NBPF12: variants seen among roughly 807,000 people sequenced by gnomAD.
The protein encoded by NBPF12 is NBPF family member NBPF12.
NBPF12 carries 115 observed loss-of-function variants against 146.4 expected under a neutral mutation model. The ratio of observed to expected loss-of-function variants is 0.79; its 90% CI spans 0.68 to 0.92. NBPF12 has a LOEUF of 0.92. Among genes scored for constraint, NBPF12 ranks in the 40% least tolerant of loss-of-function variants. NBPF12 has a pLI of 0.00. For missense variants in NBPF12, 1,205 were observed against 1,326.8 expected (o/e 0.91, Z 1.43); for synonymous variants, 385 against 508.9 (o/e 0.76, Z 3.28).
rs1228192892 is a variant in NBPF12 at position 146,957,987 on chromosome 1, G to GTATA, written c.-183-1861_-183-1858dup. 6.0e-4 allele frequency among the ~76,000 whole-genome samples: 69 copies of GTATA among 115,606 alleles called. 4 individuals are homozygous for GTATA. The highest frequency in any genetic ancestry group is 1.8e-3 in the African/African-American group (61 of 33,536). 75.8% of individuals were successfully genotyped at this position (115,606 alleles called of 152,430 possible). A position where few individuals can be genotyped will look rare whatever the true frequency, so the allele number is the denominator to read the frequency against. On this transcript the variant is annotated intron_variant, in intron 2 of 33. Transcript: ENST00000617844. ...CGTGTATACATGTATATATGTGTGT[G>GTATA]TATATATATATATACATGTGTATAT... is the stretch of plus-strand genomic sequence containing the variant.
At chr1:146,966,422 C>A in intron 8 of NBPF12, 42 bp from the exon 12 acceptor site, 2 of 1,340,614 alleles carry the variant, frequency 1.5e-6, no homozygotes, top group South Asian at 1.2e-5. Context: ...CTTGATTTCA[C>A]CAGTTTTTAA....
chr1:146,974,909 G>A (rs1656882797), intron 15 of NBPF12, 68 bp downstream of exon 18: 2 of 914,160 alleles, frequency 2.2e-6, no homozygotes, highest in Non-Finnish European at 3.3e-6. Flanking sequence ...GTAGCTCAGT[G>A]GGGAGACGTA....
intron 7 of NBPF12, 59 bp downstream of exon 10, chr1:146,964,488 G>A (rs1444554166): frequency 6.3e-7 from 1 of 1,590,262 alleles, no homozygotes; most frequent in South Asian, 1.1e-5. Flanking sequence ...TGTCTAGAAG[G>A]CACACCCTCT....
At chr1:146,962,100 C>G (rs1250379729) in intron 4 of NBPF12, 61 bp from the exon 8 acceptor site, 11 of 1,539,374 alleles carry the variant, frequency 7.1e-6, no homozygotes, top group Non-Finnish European at 8.9e-6. Context: ...GCCCTGTAGG[C>G]AGTGACCACA....
At position 146,971,202 on chromosome 1, in the gene NBPF12, G is replaced by T. The variant is rs2101876047; in HGVS notation, c.1399G>T (p.Glu467Ter). 1.2e-6 allele frequency: 2 copies of T among 1,611,712 alleles called. No homozygotes were observed. The highest frequency in any genetic ancestry group is 3.3e-5 in the Admixed American group (2 of 59,960). ...CATCAGGGAGATGCAGAAGGCTGAA[G>T]AAAGCAAAGTCCCTGAGGACTCACT... The change falls in exon 13 of 34, where the codon GAA (glutamate) becomes TAA (stop). Residue 467 changes from glutamate (E) to a stop codon, truncating the protein, a stop_gained. Transcript: ENST00000617844. LOFTEE classifies it high-confidence loss of function.
intron 14 of NBPF12, among the ~76,000 whole-genome samples, chr1:146,974,004 T>A (rs1213165777): frequency 4.6e-5 from 7 of 150,924 alleles, no homozygotes; most frequent in African/African-American, 1.7e-4. Context: ...TCCCTCAGTT[T>A]CCTCACCTGT....
chr1:146,950,740 T>C (rs1176553703), intron 1 of NBPF12, among the ~76,000 whole-genome samples: 5 of 152,146 alleles, frequency 3.3e-5, no homozygotes, highest in Admixed American at 2.0e-4. Context: ...CATTCTTGTA[T>C]TGATAGATAT....
intron 14 of NBPF12, among the ~76,000 whole-genome samples, 177 bp downstream of exon 17, chr1:146,973,137 G>A (rs1346750784): frequency 1.3e-5 from 2 of 150,130 alleles, no homozygotes; most frequent in African/African-American, 2.5e-5. Context: ...AAAGTATTTA[G>A]CAACTTTCCA....
chr1:146,951,629 TCC>T (rs1655327043), intron 2 of NBPF12, 140 bp downstream of exon 5: 1 of 507,524 alleles, frequency 2.0e-6, no homozygotes, highest in Admixed American at 3.4e-5. Context: ...AATGATGATG[TCC>T]CTTGTTCAAC....
chr1:146,989,252 T>G (rs1657989812), intron 27 of NBPF12, among the ~76,000 whole-genome samples: 7 of 142,456 alleles, frequency 4.9e-5, no homozygotes, highest in African/African-American at 1.8e-4. Context: ...CACAGTTTGC[T>G]GTGTGTCATG....
At chr1:146,947,397 A>G (rs1655122887), upstream of NBPF12, among the ~76,000 whole-genome samples, 1 of 145,346 alleles carries the variant, frequency 6.9e-6, no homozygotes, top group Non-Finnish European at 1.5e-5. Flanking sequence ...CAATTCTCTG[A>G]TCCACCCTAG....
rs1365432341 is a variant in NBPF12, at chr1:146,965,883, G to A, written c.779-581G>A. Among the ~76,000 whole-genome samples, 29 of 150,516 alleles carry A rather than the reference G, an allele frequency of 1.9e-4. 1 individual carries two copies. The highest frequency in any genetic ancestry group is 7.8e-4 in the East Asian group (4 of 5,104). ...AGCACTTTGAGAGGCCGAGGTGGGCGGAACACCTGAGCTCAGGAGATCGAA... is the reference window on the plus strand; with the variant it reads ...AGCACTTTGAGAGGCCGAGGTGGGCAGAACACCTGAGCTCAGGAGATCGAA... On this transcript the variant is annotated intron_variant, in intron 8 of 33. Transcript: ENST00000617844.
intron 2 of NBPF12, among the ~76,000 whole-genome samples, 178 bp downstream of exon 2, chr1:146,943,740 C>T (rs1654901433): frequency 6.6e-6 from 1 of 151,946 alleles, no homozygotes; most frequent in Non-Finnish European, 1.5e-5. Flanking sequence ...GCATGTGCCA[C>T]CCTGGACTTG....
At chr1:146,968,909 T>G (rs1481540255) in intron 10 of NBPF12, among the ~76,000 whole-genome samples, 1 of 151,268 alleles carries the variant, frequency 6.6e-6, no homozygotes, top group Non-Finnish European at 1.5e-5. Context: ...CCTGACTGAC[T>G]GCGGCTTCTC....
intron 1 of NBPF12, among the ~76,000 whole-genome samples, chr1:146,950,667 A>G (rs1257432849): frequency 1.3e-5 from 2 of 152,114 alleles, no homozygotes; most frequent in Non-Finnish European, 2.9e-5. Flanking sequence ...TTTGAGATTC[A>G]TCCATGTTGT....
At chr1:146,978,260 A>ATTTTTT (rs1187524068) in intron 18 of NBPF12, among the ~76,000 whole-genome samples, 12 of 83,884 alleles carry the variant, frequency 1.4e-4, no homozygotes, top group African/African-American at 4.3e-4. Context: ...AGCGTCGTAG[A>ATTTTTT]TTTTTTTTTT....
intron 1 of NBPF12, among the ~76,000 whole-genome samples, chr1:146,943,017 A>G (rs1305541470): frequency 2.9e-5 from 4 of 137,364 alleles, no homozygotes; most frequent in African/African-American, 1.1e-4. Context: ...CTCCTGCCTC[A>G]GCCTCCCGAG....
rs1331253196 is a variant in NBPF12 at position 146,955,358 on chromosome 1, TAGAC to T, written c.-184+3872_-184+3875del. The stretch of plus-strand genomic sequence containing the variant: ...AAGGTTAAACATAACACAAATCAGA[TAGAC>T]AGTCATTCCATTCCTAGGAATTTAC... On this transcript the variant is annotated intron_variant, in intron 2 of 33. Coordinates refer to ENST00000617844, the Ensembl canonical transcript of NBPF12. Among the ~76,000 whole-genome samples, 11 of 31,258 alleles carry T rather than the reference TAGAC, an allele frequency of 3.5e-4. 1 individual carries two copies. Among genetic ancestry groups the T allele is most frequent in the Middle Eastern group, 0.012 (2 of 170 alleles). The allele number at this position is 31,258 out of a possible 152,430, so 20.5% of individuals were successfully genotyped here. A position where few individuals can be genotyped will look rare whatever the true frequency, so the allele number is the denominator to read the frequency against.
Position 146,970,729 on chromosome 1 carries a change from A to T in NBPF12, c.1379+10A>T. ...AATCATCTTCCCCCAGGTGACACTG[A>T]ATACTCAGGAGCAAGTAATGGGTGT... On this transcript the variant is annotated intron_variant, in intron 12 of 33. Coordinates refer to ENST00000617844, the Ensembl canonical transcript of NBPF12. 7.4e-7 allele frequency: 1 copy of T among 1,344,386 alleles called. No homozygotes were observed. Among genetic ancestry groups the T allele is most frequent in the Non-Finnish European group, 1.1e-6 (1 of 936,764 alleles). 83.3% of individuals were successfully genotyped at this position (1,344,386 alleles called of 1,614,324 possible). A position where few individuals can be genotyped will look rare whatever the true frequency, so the allele number is the denominator to read the frequency against.
Sources: gnomAD v4.1 joint callset for allele counts (sites outside exome capture counted in the v4.1 genomes callset) on GRCh38, gnomAD v4.1.1 for gene constraint, MANE v1.5 for transcripts, NCBI Gene and HGNC (gene_info 2026-07-23, HGNC 2026-07-21) for gene names.